RTN4RL1: variants seen among roughly 807,000 people sequenced by gnomAD.
RTN4RL1 encodes reticulon 4 receptor like 1.
RTN4RL1 carries 7 observed loss-of-function variants against 25.6 expected under a neutral mutation model. That is an observed-to-expected ratio of 0.27 (90% confidence interval 0.16 to 0.51). RTN4RL1 has a LOEUF of 0.51. RTN4RL1 is among the 20% of genes least tolerant of loss of function. RTN4RL1 has a pLI of 0.97. For missense variants in RTN4RL1, 500 were observed against 615.6 expected (o/e 0.81, Z 1.99); for synonymous variants, 297 against 288.2 (o/e 1.03, Z -0.31).
At chr17:2,021,501 G>A (rs1039608927) in intron 1 of RTN4RL1, among the ~76,000 whole-genome samples, 6 of 150,136 alleles carry the variant, frequency 4.0e-5, no homozygotes, top group African/African-American at 1.5e-4. Context: ...ATAGGGCTCT[G>A]CATATTATAG....
chr17:1,936,605 C>T lies in RTN4RL1; in HGVS notation c.1217G>A (p.Arg406His), dbSNP rs749590901. 111 of 1,587,132 alleles carry T rather than the reference C, an allele frequency of 7.0e-5. No homozygotes were observed. The highest frequency in any genetic ancestry group is 1.7e-4 in the Middle Eastern group (1 of 6,030). ...GCTGGGGGCACGGATGGGGGTCCTG[C>T]GGGCACACTTGCCCTTCCTCTTGGG... is the stretch of plus-strand genomic sequence containing the variant. ...ARPKRKGKCA[R>H]RTPIRAPSGV... The change falls in exon 2 of 2, where the codon CGC (arginine) becomes CAC (histidine). Residue 406 changes from arginine to histidine, a missense_variant. By Grantham distance (29) the Arg-to-His change is conservative. Around this residue, in one of 2 missense-constraint regions of RTN4RL1, gnomAD observed 268 missense variants for 274.5 expected, o/e 0.98. Transcript: ENST00000331238.
chr17:2,018,750 C>A (rs1032072611), intron 1 of RTN4RL1, among the ~76,000 whole-genome samples: 16 of 151,642 alleles, frequency 1.1e-4, no homozygotes, highest in African/African-American at 3.9e-4. Flanking sequence ...TCATCTGACA[C>A]GGAGGAATGA....
intron 1 of RTN4RL1, chr17:2,019,294 G>C (rs1488594752): frequency 6.6e-6 from 1 of 152,330 alleles, no homozygotes; most frequent in Non-Finnish European, 1.5e-5. Context: ...CAGCTATTTT[G>C]CTGCCTCGGC....
chr17:1,969,895 T>C (rs767056689), intron 1 of RTN4RL1, among the ~76,000 whole-genome samples: 3 of 152,120 alleles, frequency 2.0e-5, no homozygotes, highest in Non-Finnish European at 4.4e-5. Flanking sequence ...TCACTCCAGG[T>C]GTCTCATGTG....
At position 1,998,935 on chromosome 17, in the gene RTN4RL1, G is replaced by A. The variant is rs2066942887; in HGVS notation, c.13+25918C>T. On this transcript the variant is annotated intron_variant, in intron 1 of 1. Coordinates refer to ENST00000331238, the MANE Select transcript of RTN4RL1 (RefSeq NM_178568.4). This position sits in a 1 kb window ranked among gnomAD's most constrained non-coding sequence, Gnocchi z 4.9. ...AGACACAGGCCCTGCCCTCACCGAG[G>A]GTTCCAGTCGGCTGTGCACAACTGA... 1.3e-5 allele frequency among the ~76,000 whole-genome samples: 2 copies of A among 152,116 alleles called. No individual in the cohort carries two copies.
intron 1 of RTN4RL1, among the ~76,000 whole-genome samples, chr17:1,944,350 C>T (rs563566255): frequency 6.6e-6 from 1 of 152,208 alleles, no homozygotes; most frequent in East Asian, 1.9e-4. Flanking sequence ...ATCTGTCACA[C>T]GAAAGCCTCC....
At chr17:1,961,171 T>C (rs1414897709) in intron 1 of RTN4RL1, among the ~76,000 whole-genome samples, 1 of 152,170 alleles carries the variant, frequency 6.6e-6, no homozygotes, top group African/African-American at 2.4e-5. Context: ...AGCACTCGGA[T>C]GAAGCCATCT....
At chr17:1,976,090 C>G (rs563255386) in intron 1 of RTN4RL1, among the ~76,000 whole-genome samples, 14 of 152,362 alleles carry the variant, frequency 9.2e-5, no homozygotes, top group South Asian at 4.1e-4. Flanking sequence ...TGTTCTTTCT[C>G]TTTCAGGTAA....
chr17:1,968,883 G>A (rs191725573), intron 1 of RTN4RL1, among the ~76,000 whole-genome samples: 9 of 152,210 alleles, frequency 5.9e-5, no homozygotes, highest in South Asian at 4.2e-4. Flanking sequence ...ATCTATCGCC[G>A]AGTGACAGAC....
chr17:2,005,809 T>C (rs1279475779), intron 1 of RTN4RL1, among the ~76,000 whole-genome samples: 3 of 121,164 alleles, frequency 2.5e-5, no homozygotes, highest in African/African-American at 5.4e-5. Context: ...TCCTTTTTTT[T>C]TTTTTGACAC....
At chr17:1,972,549 C>T (rs1035655861) in intron 1 of RTN4RL1, among the ~76,000 whole-genome samples, 13 of 152,112 alleles carry the variant, frequency 8.5e-5, no homozygotes, top group African/African-American at 2.9e-4. Context: ...CCCTGCAACG[C>T]CCTCTCTACC....
chr17:1,974,675 C>A (rs1294293270), intron 1 of RTN4RL1, among the ~76,000 whole-genome samples: 2 of 150,512 alleles, frequency 1.3e-5, no homozygotes, highest in African/African-American at 4.9e-5. Flanking sequence ...CGGGCTCTGA[C>A]CAGAGCGAGA....
In RTN4RL1 at chr17:1,992,358, CAAAAAAA is replaced by C. The variant is rs1021180493; in HGVS notation, c.13+32488_13+32494del. ...TGGGTGACAGAGCGAGACTCTGTCT[CAAAAAAA>C]AAAAAAAAAAAAGAAAAACGAAAAA... is the stretch of plus-strand genomic sequence containing the variant. On this transcript the variant is annotated intron_variant, in intron 1 of 1. Transcript: ENST00000331238. 2.0e-3 allele frequency among the ~76,000 whole-genome samples: 109 copies of C among 53,314 alleles called. No individual in the cohort carries two copies. In the South Asian group the frequency reaches 0.021, roughly 11 times the overall value. 35.0% of individuals were successfully genotyped at this position (53,314 alleles called of 152,430 possible). A position where few individuals can be genotyped will look rare whatever the true frequency, so the allele number is the denominator to read the frequency against.
intron 1 of RTN4RL1, among the ~76,000 whole-genome samples, chr17:1,964,946 G>A (rs568699711): frequency 2.2e-4 from 32 of 147,954 alleles, no homozygotes; most frequent in African/African-American, 7.4e-4. Flanking sequence ...GCGCCACCAC[G>A]CCTGGCTAAT....
At chr17:2,014,518 G>A (rs944717096) in intron 1 of RTN4RL1, among the ~76,000 whole-genome samples, 1 of 152,122 alleles carries the variant, frequency 6.6e-6, no homozygotes, top group African/African-American at 2.4e-5. Context: ...AGCTGCTTGA[G>A]CAAATCCTTC....
At chr17:1,997,232 G>C (rs965352720) in intron 1 of RTN4RL1, among the ~76,000 whole-genome samples, 1 of 152,092 alleles carries the variant, frequency 6.6e-6, no homozygotes, top group Non-Finnish European at 1.5e-5. Context: ...CTTCACTCAC[G>C]ACAATCAACC....
At chr17:1,981,873 CA>C (rs1417302401) in intron 1 of RTN4RL1, among the ~76,000 whole-genome samples, 1 of 152,240 alleles carries the variant, frequency 6.6e-6, no homozygotes. Context: ...AGTATACTTA[CA>C]GAAATCTAGA....
intron 1 of RTN4RL1, among the ~76,000 whole-genome samples, chr17:1,989,225 A>G (rs2066899648): frequency 6.6e-6 from 1 of 152,184 alleles, no homozygotes; most frequent in South Asian, 2.1e-4. Flanking sequence ...GATGGACTCA[A>G]CTGATGGAAG....
intron 1 of RTN4RL1, among the ~76,000 whole-genome samples, chr17:1,999,036 C>G (rs1041656851): frequency 6.6e-6 from 1 of 151,848 alleles, no homozygotes; most frequent in African/African-American, 2.4e-5. Flanking sequence ...CCCCTTACAG[C>G]GATGTTCACT....
Sources: allele counts gnomAD v4.1 joint callset (sites outside exome capture counted in the v4.1 genomes callset), GRCh38; gene constraint gnomAD v4.1.1; regional missense constraint gnomAD v4.1.1; non-coding constraint Gnocchi (gnomAD v3.1); transcripts MANE v1.5; gene names NCBI Gene and HGNC (gene_info 2026-07-23, HGNC 2026-07-21).